DDC: variants seen among roughly 807,000 people sequenced by gnomAD.
DDC encodes aromatic-L-amino-acid decarboxylase.
In DDC, 43 loss-of-function variants were observed where a neutral mutation model predicts 60.0. The ratio of observed to expected loss-of-function variants is 0.72; its 90% CI spans 0.56 to 0.92. The LOEUF (loss-of-function observed/expected upper bound fraction) is 0.92, where lower values mean the gene tolerates loss of function less well. DDC is among the 40% of genes least tolerant of loss of function. The pLI is 0.00. For synonymous variants in DDC, 232 were observed against 234.6 expected (o/e 0.99, Z 0.10); for missense variants, 573 against 620.2 (o/e 0.92, Z 0.81).
At chr7:50,498,301 T>C (rs2153539493) in intron 8 of DDC, among the ~76,000 whole-genome samples, 1 of 152,364 alleles carries the variant, frequency 6.6e-6, no homozygotes, top group South Asian at 2.1e-4. Context: ...CACACATGGG[T>C]GAGGTCTCAC....
At chr7:50,548,470 G>A (rs1342825861) in intron 1 of DDC, among the ~76,000 whole-genome samples, 1 of 152,202 alleles carries the variant, frequency 6.6e-6, no homozygotes, top group Non-Finnish European at 1.5e-5. Flanking sequence ...CTGATATGGA[G>A]AGTATTTTAA....
chr7:50,536,583 C>G (rs185880024), intron 4 of DDC, among the ~76,000 whole-genome samples: 1 of 152,350 alleles, frequency 6.6e-6, no homozygotes, highest in Non-Finnish European at 1.5e-5. Flanking sequence ...GAAGCAGATT[C>G]ACCCCTGGAG....
At chr7:50,466,661 C>T (rs956025439) in intron 13 of DDC, among the ~76,000 whole-genome samples, 3 of 152,172 alleles carry the variant, frequency 2.0e-5, no homozygotes, top group Non-Finnish European at 4.4e-5. Context: ...TGCCCCAACC[C>T]GTGTGGGCCA....
chr7:50,473,437 C>T (rs7792474), intron 11 of DDC, among the ~76,000 whole-genome samples: 2,951 of 152,304 alleles, frequency 0.019, 169 homozygotes, highest in Admixed American at 0.12. Flanking sequence ...AGCCCCTCTG[C>T]TCCAGAACAG....
intron 2 of DDC, 179 bp from the exon 3 acceptor site, chr7:50,540,207 T>G (rs985380021): frequency 4.3e-5 from 28 of 649,912 alleles, no homozygotes; most frequent in Middle Eastern, 4.0e-4. Context: ...TCGGAGCATT[T>G]ACACATCACC....
intron 1 of DDC, among the ~76,000 whole-genome samples, chr7:50,557,232 A>C (rs971432327): frequency 6.6e-6 from 1 of 152,226 alleles, no homozygotes; most frequent in Admixed American, 6.5e-5. Flanking sequence ...TTTAATAAAC[A>C]ATGCTCTGTC....
chr7:50,511,052 TACACACACACACAC>T (rs377138071), intron 6 of DDC, among the ~76,000 whole-genome samples: 4 of 139,098 alleles, frequency 2.9e-5, no homozygotes, highest in South Asian at 2.3e-4. Flanking sequence ...GATATATCTA[TACACACACACACAC>T]ACACACACAC....
chr7:50,463,424 T>C lies in DDC; in HGVS notation c.1250A>G (p.Asn417Ser). The C allele has an allele frequency of 6.2e-7, 1 of 1,614,082 alleles. No individual in the cohort carries two copies. Among genetic ancestry groups the C allele is most frequent in the Non-Finnish European group, 8.5e-7 (1 of 1,179,952 alleles). Residue 417 changes from asparagine to serine, a missense_variant, in exon 14 of 15, where the codon AAC becomes AGC. Physicochemically the swap from Asn to Ser is conservative, Grantham distance 46. Coordinates refer to ENST00000444124, the MANE Select transcript of DDC (RefSeq NM_001082971.2). ...TTGCAGAAGAGCTTCATTCACTTTG[T>C]TGGAACCCTGGAGGGATTGAAAGAG... ...GLVCFRLKGS[N>S]KVNEALLQRI...
intron 9 of DDC, among the ~76,000 whole-genome samples, chr7:50,480,418 G>A (rs1407907587): frequency 1.3e-5 from 2 of 152,178 alleles, no homozygotes; most frequent in African/African-American, 2.4e-5. Context: ...GTAAACCTAA[G>A]TAAAATGCTT....
At chr7:50,532,878 G>C (rs978420337) in intron 4 of DDC, among the ~76,000 whole-genome samples, 1 of 152,190 alleles carries the variant, frequency 6.6e-6, no homozygotes, top group Admixed American at 6.5e-5. Flanking sequence ...ATTTAGTGGG[G>C]AGCATGAATG....
At chr7:50,475,835 G>A (rs1585150154) in intron 11 of DDC, among the ~76,000 whole-genome samples, 1 of 152,038 alleles carries the variant, frequency 6.6e-6, no homozygotes, top group Admixed American at 6.6e-5. Context: ...GATTACAGGT[G>A]CCTGCCACCA....
rs550202658 is a variant in DDC, at chr7:50,542,394, G to A, written c.201+1491C>T. The A allele has an allele frequency of 2.0e-5, 3 of 152,286 alleles. No individual in the cohort carries two copies. In the South Asian group the frequency reaches 6.2e-4, roughly 32 times the overall value. 9.4% of individuals were successfully genotyped at this position (152,286 alleles called of 1,614,324 possible). ...GCCTTTGGGCTGGAAAAGGACAGAA[G>A]CGATTCTTGATTAGGGACAGATGTG... On this transcript the variant is annotated intron_variant, in intron 2 of 14. Transcript: ENST00000444124.
At chr7:50,480,971 TGCTTCATTG>T (rs1417082068) in intron 9 of DDC, among the ~76,000 whole-genome samples, 5 of 152,252 alleles carry the variant, frequency 3.3e-5, no homozygotes, top group Non-Finnish European at 2.9e-5. Flanking sequence ...GCCATTGCTC[TGCTTCATTG>T]GCAGTGTGGT....
chr7:50,547,903 C>G (rs1405909075), intron 1 of DDC, among the ~76,000 whole-genome samples: 2 of 152,180 alleles, frequency 1.3e-5, no homozygotes, highest in Admixed American at 1.3e-4. Flanking sequence ...TTGTGACAAC[C>G]CTGAATCCAG....
At chr7:50,470,787 A>G (rs1359962186) in intron 11 of DDC, among the ~76,000 whole-genome samples, 1 of 152,190 alleles carries the variant, frequency 6.6e-6, no homozygotes, top group Non-Finnish European at 1.5e-5. Context: ...TCCCAGACCC[A>G]GTCAGTTGAC....
At chr7:50,495,580 G>C (rs1394068644) in intron 8 of DDC, among the ~76,000 whole-genome samples, 163 bp from the exon 9 acceptor site, 1 of 152,138 alleles carries the variant, frequency 6.6e-6, no homozygotes, top group Admixed American at 6.5e-5. Flanking sequence ...AGTGGGTAGG[G>C]GAGTCTTCTG....
At chr7:50,546,351 C>T (rs984685441) in intron 1 of DDC, among the ~76,000 whole-genome samples, 7 of 152,260 alleles carry the variant, frequency 4.6e-5, no homozygotes, top group Middle Eastern at 3.4e-3. Flanking sequence ...CCAAAAACAA[C>T]AGGGGCACAT....
chr7:50,468,222 C>T (rs2042443515), intron 12 of DDC, among the ~76,000 whole-genome samples: 1 of 152,342 alleles, frequency 6.6e-6, no homozygotes, highest in East Asian at 1.9e-4. Context: ...CCAAAGACCT[C>T]GGCCTCATGG....
chr7:50,476,858 G>C (rs1391363568), intron 10 of DDC, among the ~76,000 whole-genome samples: 2 of 152,112 alleles, frequency 1.3e-5, no homozygotes, highest in African/African-American at 4.8e-5. Flanking sequence ...ACACAAATTG[G>C]AAATGTTACA....
Sources: gnomAD v4.1 joint callset for allele counts (sites outside exome capture counted in the v4.1 genomes callset) on GRCh38, gnomAD v4.1.1 for gene constraint, MANE v1.5 for transcripts, NCBI Gene and HGNC (gene_info 2026-07-23, HGNC 2026-07-21) for gene names.